OGG1: variants seen among roughly 807,000 people sequenced by gnomAD.
OGG1 encodes the protein N-glycosylase/DNA lyase.
In OGG1, 35 loss-of-function variants were observed where a neutral mutation model predicts 42.3. That is an observed-to-expected ratio of 0.83 (90% confidence interval 0.63 to 1.10). The LOEUF is 1.10. Ranked by LOEUF, OGG1 falls within the 50% of genes least tolerant of loss-of-function variation. The pLI is 0.00. For missense variants in OGG1, 484 were observed against 446.7 expected (o/e 1.08, Z -0.75); for synonymous variants, 189 against 179.0 (o/e 1.06, Z -0.44).
chr3:9,789,431 G>C, downstream of OGG1: 1 of 1,344,676 alleles, frequency 7.4e-7, no homozygotes, highest in Non-Finnish European at 1.0e-6. Flanking sequence ...ATGATGCATG[G>C]CTTTGGTAGC....
downstream of OGG1, chr3:9,759,002 G>A: frequency 1.6e-6 from 1 of 627,200 alleles, no homozygotes; most frequent in South Asian, 1.8e-5. Context: ...TCAGGATCAA[G>A]TTGGTGCTCC....
At position 9,786,129 on chromosome 3, in the gene OGG1, C is replaced by T. The variant is rs528646785; in HGVS notation, c.383-1599C>T. 5.3e-5 allele frequency among the ~76,000 whole-genome samples: 8 copies of T among 152,078 alleles called. No homozygotes were observed. The East Asian group carries it at 1.4e-3, about 26-fold the overall frequency. On this transcript the variant is annotated intron_variant, in intron 3 of 3. Transcript: ENST00000426518. ...AATTTTTTTGTATTTTTAGTAGAGA[C>T]GGGGTTTCATCATGTTAGCCAGGAT...
At chr3:9,787,254 A>G (rs777162351) in intron 3 of OGG1, 9 of 1,614,218 alleles carry the variant, frequency 5.6e-6, no homozygotes, top group Non-Finnish European at 7.6e-6. Flanking sequence ...TGTCAGCCAC[A>G]GCCGCTGCCC....
At chr3:9,767,469 C>T (rs1001531576), downstream of OGG1, among the ~76,000 whole-genome samples, 2 of 152,202 alleles carry the variant, frequency 1.3e-5, no homozygotes, top group African/African-American at 4.8e-5. Flanking sequence ...CTTCAAGAAC[C>T]CAGGGCTATT....
chr3:9,787,625 C>T, intron 3 of OGG1: 1 of 1,265,122 alleles, frequency 7.9e-7, no homozygotes, highest in Admixed American at 2.3e-5. Flanking sequence ...CAGGTCACAG[C>T]AATTGCCTCT....
At chr3:9,759,824 T>G, downstream of OGG1, 1 of 1,612,154 alleles carries the variant, frequency 6.2e-7, no homozygotes, top group Non-Finnish European at 8.5e-7. Flanking sequence ...GCATACCCAC[T>G]CCCTCAGGTC....
chr3:9,781,687 T>G (rs1024659969), intron 3 of OGG1: 2 of 432,752 alleles, frequency 4.6e-6, no homozygotes, highest in Non-Finnish European at 9.6e-6. Context: ...ACTTAGTGAT[T>G]GAGTCCAGCC....
Position 9,750,265 on chromosome 3 carries a change from C to A in OGG1, c.-22C>A. On this transcript the variant is annotated 5_prime_UTR_variant, in exon 1 of 7. Coordinates refer to ENST00000344629, the MANE Select transcript of OGG1 (RefSeq NM_002542.6). ...TGGTTCTGGGTAGGCGGGGCTACTA[C>A]GGGGCGGTGCCTGCTGTGGAAATGC... is the stretch of plus-strand genomic sequence containing the variant. 1 of 1,602,536 alleles carries A rather than the reference C, an allele frequency of 6.2e-7. No individual in the cohort carries two copies. Among genetic ancestry groups the A allele is most frequent in the Non-Finnish European group, 8.5e-7 (1 of 1,174,010 alleles).
exon 4 of OGG1, chr3:9,787,829 AAGAGTGCTTTGGTGGAG>A: frequency 1.3e-6 from 1 of 745,254 alleles, no homozygotes. Flanking sequence ...GGGAATCTGA[AAGAGTGCTTTGGTGGAG>A]GTAACATGAG....
chr3:9,756,048 G>A (rs1410732132), intron 4 of OGG1, among the ~76,000 whole-genome samples: 2 of 152,108 alleles, frequency 1.3e-5, no homozygotes, highest in African/African-American at 4.8e-5. Flanking sequence ...CGCGCATGGT[G>A]GCTCACGCCT....
chr3:9,762,779 G>C (rs1426414541), intron 7 of OGG1: 10 of 811,730 alleles, frequency 1.2e-5, no homozygotes, highest in Non-Finnish European at 2.0e-5. Flanking sequence ...CAGTTTAAAG[G>C]TTACAAGATC....
intron 7 of OGG1, chr3:9,763,016 T>C: frequency 6.2e-7 from 1 of 1,614,118 alleles, no homozygotes; most frequent in South Asian, 1.1e-5. Context: ...AGAAGCCTTT[T>C]TCCACAATAC....
downstream of OGG1, chr3:9,757,618 G>C (rs747559252): frequency 6.2e-7 from 1 of 1,614,162 alleles, no homozygotes; most frequent in Non-Finnish European, 8.5e-7. This position sits in a 1 kb window ranked among gnomAD's most constrained non-coding sequence, Gnocchi z 4.5. Context: ...GCCAGCTGCC[G>C]GCCCTGCATG....
downstream of OGG1, among the ~76,000 whole-genome samples, chr3:9,767,001 A>C (rs1380732652): frequency 6.6e-6 from 1 of 151,936 alleles, no homozygotes; most frequent in East Asian, 1.9e-4. Flanking sequence ...CTCTCCCCCC[A>C]GCCTGTGATT....
At chr3:9,758,061 A>C, downstream of OGG1, 1 of 603,512 alleles carries the variant, frequency 1.7e-6, no homozygotes, top group Non-Finnish European at 2.7e-6. Context: ...GTGTATCTAT[A>C]TATATAAATA....
downstream of OGG1, chr3:9,761,394 G>T (rs2077862473): frequency 6.6e-7 from 1 of 1,515,922 alleles, no homozygotes; most frequent in African/African-American, 1.4e-5. Flanking sequence ...GCAGAGGAAG[G>T]AAGAGAGGAA....
At chr3:9,790,023 C>A, downstream of OGG1, 2 of 1,514,716 alleles carry the variant, frequency 1.3e-6, no homozygotes. Flanking sequence ...TATCTCTTTC[C>A]TCTAGTGAAT....
chr3:9,787,554 C>T, intron 3 of OGG1: 1 of 975,536 alleles, frequency 1.0e-6, no homozygotes, highest in Non-Finnish European at 1.5e-6. Flanking sequence ...GACACACACA[C>T]AGAAGCCAAT....
chr3:9,787,360 C>G (rs1404730186), intron 3 of OGG1: 2 of 1,595,582 alleles, frequency 1.3e-6, no homozygotes, highest in Non-Finnish European at 8.5e-7. Flanking sequence ...AGATGGCACC[C>G]AACCCTGAGT....
Sources: allele counts gnomAD v4.1 joint callset (sites outside exome capture counted in the v4.1 genomes callset), GRCh38; gene constraint gnomAD v4.1.1; non-coding constraint Gnocchi (gnomAD v3.1); transcripts MANE v1.5; gene names NCBI Gene and HGNC (gene_info 2026-07-23, HGNC 2026-07-21).